VPS13A: variants seen among roughly 807,000 people sequenced by gnomAD.
The protein encoded by VPS13A is vacuolar protein sorting 13 homolog A.
Under a neutral mutation model 390.9 loss-of-function variants are expected in VPS13A, and 264 were observed. The ratio of observed to expected loss-of-function variants is 0.68; its 90% CI spans 0.61 to 0.75. The LOEUF (loss-of-function observed/expected upper bound fraction) is 0.75, where lower values mean the gene tolerates loss of function less well. Among genes scored for constraint, VPS13A ranks in the 30% least tolerant of loss-of-function variants. The pLI is 0.00. For missense variants in VPS13A, 3,409 were observed against 3,733.9 expected (o/e 0.91, Z 2.27); for synonymous variants, 1,231 against 1,227.1 (o/e 1.00, Z -0.07).
intron 46 of VPS13A, among the ~76,000 whole-genome samples, chr9:77,332,402 C>G (rs968183825): frequency 6.6e-6 from 1 of 151,776 alleles, no homozygotes; most frequent in Non-Finnish European, 1.5e-5. Flanking sequence ...TCTAATAGAT[C>G]ATGCCTGGTG....
At chr9:77,376,140 C>G (rs1016082510) in intron 67 of VPS13A, among the ~76,000 whole-genome samples, 1 of 152,146 alleles carries the variant, frequency 6.6e-6, no homozygotes, top group African/African-American at 2.4e-5. Flanking sequence ...GCAGAAGGAA[C>G]AGCAGTTAAA....
chr9:77,284,560 C>T (rs1364133929), intron 31 of VPS13A, among the ~76,000 whole-genome samples: 3 of 152,014 alleles, frequency 2.0e-5, no homozygotes, highest in Non-Finnish European at 4.4e-5. Context: ...TCATAAGTAT[C>T]AGAGTATTTA....
chr9:77,322,004 G>T (rs182105555), intron 44 of VPS13A, among the ~76,000 whole-genome samples: 3 of 151,830 alleles, frequency 2.0e-5, no homozygotes, highest in Non-Finnish European at 3.0e-5. Flanking sequence ...CTGCTTTGTT[G>T]TTGGGAGGAA....
chr9:77,275,064 T>G (rs1448745673), intron 24 of VPS13A, among the ~76,000 whole-genome samples: 1 of 152,156 alleles, frequency 6.6e-6, no homozygotes, highest in Non-Finnish European at 1.5e-5. Context: ...ATTCAGACTC[T>G]GCTGCTAATA....
intron 59 of VPS13A, among the ~76,000 whole-genome samples, chr9:77,361,967 T>A (rs1161197342): frequency 1.3e-5 from 2 of 152,164 alleles, no homozygotes; most frequent in East Asian, 3.8e-4. Context: ...TTGCATATCT[T>A]ATGTGAAGAA....
intron 54 of VPS13A, among the ~76,000 whole-genome samples, chr9:77,356,158 A>G (rs1328537846): frequency 6.6e-6 from 1 of 152,136 alleles, no homozygotes; most frequent in Non-Finnish European, 1.5e-5. Flanking sequence ...CTGACATGCC[A>G]GCCTCCTTGC....
At chr9:77,183,390 C>T (rs1824141901) in intron 1 of VPS13A, among the ~76,000 whole-genome samples, 2 of 152,100 alleles carry the variant, frequency 1.3e-5, no homozygotes, top group Non-Finnish European at 2.9e-5. Context: ...GTCCCTTATA[C>T]CCTTCTTGTC....
intron 21 of VPS13A, among the ~76,000 whole-genome samples, chr9:77,250,637 A>G (rs1825102402): frequency 6.6e-6 from 1 of 152,174 alleles, no homozygotes; most frequent in African/African-American, 2.4e-5. Flanking sequence ...GTATTACTAC[A>G]CAGTTGGATA....
chr9:77,397,316 T>A (rs1268513249), intron 68 of VPS13A, among the ~76,000 whole-genome samples: 2 of 152,112 alleles, frequency 1.3e-5, no homozygotes, highest in Admixed American at 6.5e-5. Context: ...TCCCCCATTT[T>A]TGCTATTTTT....
intron 71 of VPS13A, among the ~76,000 whole-genome samples, chr9:77,412,612 G>A (rs144194800): frequency 0.076 from 11,566 of 152,072 alleles, 544 homozygotes; most frequent in Middle Eastern, 0.095. Context: ...AATAATAAGA[G>A]CTATCTATGA....
intron 22 of VPS13A, among the ~76,000 whole-genome samples, chr9:77,256,654 A>C (rs944502484): frequency 6.6e-6 from 1 of 151,796 alleles, no homozygotes; most frequent in Non-Finnish European, 1.5e-5. Context: ...CTTGCTTTAT[A>C]TATTTTTGAA....
chr9:77,311,666 T>G (rs749182372), intron 35 of VPS13A, among the ~76,000 whole-genome samples: 3 of 152,102 alleles, frequency 2.0e-5, no homozygotes, highest in Non-Finnish European at 4.4e-5. Context: ...TGGTAAATGA[T>G]AAGATATGAA....
chr9:77,319,891 T>A (rs1015798349), intron 42 of VPS13A, among the ~76,000 whole-genome samples: 1 of 152,056 alleles, frequency 6.6e-6, no homozygotes, highest in Admixed American at 6.6e-5. Context: ...AAATTGAGAA[T>A]GTTTATACCA....
At chr9:77,315,750 GA>G (rs1174368197) in intron 38 of VPS13A, among the ~76,000 whole-genome samples, 4 of 151,814 alleles carry the variant, frequency 2.6e-5, no homozygotes, top group Non-Finnish European at 5.9e-5. Context: ...TTGTCTAGTG[GA>G]AAAAAACAAG....
At chr9:77,397,236 G>T (rs1203730148) in intron 68 of VPS13A, among the ~76,000 whole-genome samples, 3 of 152,062 alleles carry the variant, frequency 2.0e-5, no homozygotes, top group Non-Finnish European at 4.4e-5. Context: ...GGATCCGCCC[G>T]CCTCGGCCTC....
At chr9:77,287,357 A>G (rs923275661) in intron 31 of VPS13A, among the ~76,000 whole-genome samples, 1 of 151,518 alleles carries the variant, frequency 6.6e-6, no homozygotes, top group Non-Finnish European at 1.5e-5. Context: ...GTGTGCCACC[A>G]GGCCCAGCTG....
Position 77,357,772 on chromosome 9 carries a change from A to G in VPS13A, c.7887A>G (p.Ala2629=). 6.2e-7 allele frequency: 1 copy of G among 1,613,790 alleles called. No homozygotes were observed. The highest frequency in any genetic ancestry group is 8.5e-7 in the Non-Finnish European group (1 of 1,179,756). The change falls in exon 56 of 72, where the codon GCA becomes GCG. Residue 2629 remains alanine, a synonymous_variant. Coordinates refer to ENST00000360280, the MANE Select transcript of VPS13A (RefSeq NM_033305.3). ...VIALRRNYLP[A]LKVEYNTSAH... ...CTCTACGAAGAAATTATCTTCCAGC[A>G]TTAAAAGTGGAATATAACACATCTG...
intron 67 of VPS13A, among the ~76,000 whole-genome samples, chr9:77,381,125 G>A (rs539939809): frequency 7.9e-5 from 12 of 152,126 alleles, no homozygotes; most frequent in Admixed American, 1.3e-4. Context: ...CAATTTAGCC[G>A]TATGTGGTAT....
intron 67 of VPS13A, among the ~76,000 whole-genome samples, chr9:77,377,594 T>A (rs1347164407): frequency 6.6e-6 from 1 of 152,214 alleles, no homozygotes; most frequent in Non-Finnish European, 1.5e-5. Flanking sequence ...TCTGCAATCT[T>A]ACTGAACTTG....
Sources: allele counts gnomAD v4.1 joint callset (sites outside exome capture counted in the v4.1 genomes callset), GRCh38; gene constraint gnomAD v4.1.1; transcripts MANE v1.5; gene names NCBI Gene and HGNC (gene_info 2026-07-23, HGNC 2026-07-21).